Variants in ABL1 observed in about 807,000 individuals in gnomAD.
The protein encoded by ABL1 is ABL proto-oncogene 1, non-receptor tyrosine kinase, also known as tyrosine-protein kinase ABL1.
In ABL1, 11 loss-of-function variants were observed where a neutral mutation model predicts 94.7. The observed-to-expected ratio is 0.12, with a 90% CI of 0.07 to 0.19. The LOEUF is 0.19. Ranked by LOEUF, ABL1 falls within the 10% of genes least tolerant of loss-of-function variation. The pLI is 1.00. For synonymous variants in ABL1, 656 were observed against 622.4 expected, an observed-to-expected ratio of 1.05 and a Z score of -0.80; for missense variants, 1,082 against 1,489.4, an observed-to-expected ratio of 0.73 and a Z score of 4.50.
At chr9:130,776,413 T>G (rs980976988) in intron 1 of ABL1, among the ~76,000 whole-genome samples, 2 of 152,136 alleles carry the variant, frequency 1.3e-5, no homozygotes, top group African/African-American at 4.8e-5. Flanking sequence ...CTGGCCAACA[T>G]GGCGAAACCC....
chr9:130,797,917 A>G (rs1276730416), intron 1 of ABL1, among the ~76,000 whole-genome samples: 1 of 152,176 alleles, frequency 6.6e-6, no homozygotes, highest in African/African-American at 2.4e-5. Context: ...CACTGCATCA[A>G]GAGACTGTGC....
At chr9:130,812,795 A>G (rs575289293) in intron 1 of ABL1, among the ~76,000 whole-genome samples, 13 of 152,380 alleles carry the variant, frequency 8.5e-5, no homozygotes, top group Non-Finnish European at 1.9e-4. Context: ...TTTGGACAAT[A>G]TAATCAACTG....
intron 1 of ABL1, among the ~76,000 whole-genome samples, chr9:130,743,683 C>T (rs1057006132): frequency 6.6e-6 from 1 of 152,192 alleles, no homozygotes; most frequent in Non-Finnish European, 1.5e-5. Flanking sequence ...CAGGGAGTTT[C>T]CCAAGTGGGT....
upstream of ABL1, among the ~76,000 whole-genome samples, chr9:130,832,197 C>G (rs1420486870): frequency 6.7e-6 from 1 of 148,806 alleles, no homozygotes; most frequent in African/African-American, 2.5e-5. Flanking sequence ...GATCACTGCT[C>G]ACTGCATCCT....
At chr9:130,841,123 A>G (rs768110977) in intron 1 of ABL1, among the ~76,000 whole-genome samples, 2 of 152,004 alleles carry the variant, frequency 1.3e-5, no homozygotes, top group Non-Finnish European at 2.9e-5. Flanking sequence ...GAGCTAAACC[A>G]ACAAAACAAA....
intron 1 of ABL1, among the ~76,000 whole-genome samples, chr9:130,845,592 G>T (rs1226811125): frequency 6.6e-6 from 1 of 152,084 alleles, no homozygotes; most frequent in Non-Finnish European, 1.5e-5. Flanking sequence ...ACCACACCTG[G>T]CCAGAAACCA....
intron 1 of ABL1, among the ~76,000 whole-genome samples, chr9:130,780,705 A>G (rs1363018748): frequency 2.6e-5 from 4 of 152,230 alleles, no homozygotes; most frequent in Non-Finnish European, 5.9e-5. Context: ...TGGGATACTC[A>G]GCACTGGAGA....
chr9:130,714,317 T>C (rs1214801399), exon 1 of ABL1: 2 of 1,597,582 alleles, frequency 1.3e-6, no homozygotes, highest in African/African-American at 2.7e-5. Context: ...CTATTATTAC[T>C]TTATGGGGCA....
At chr9:130,784,150 G>A (rs888502975) in intron 1 of ABL1, among the ~76,000 whole-genome samples, 3 of 152,078 alleles carry the variant, frequency 2.0e-5, no homozygotes, top group Non-Finnish European at 4.4e-5. Flanking sequence ...CATCTTAAAA[G>A]CAATATAATG....
chr9:130,745,806 T>C (rs1028432973), intron 1 of ABL1, among the ~76,000 whole-genome samples: 2 of 152,152 alleles, frequency 1.3e-5, no homozygotes, highest in African/African-American at 4.8e-5. Flanking sequence ...ACTAAAATTC[T>C]ACTTTCAGAA....
chr9:130,830,661 C>T (rs368705409), upstream of ABL1, among the ~76,000 whole-genome samples: 221 of 152,302 alleles, frequency 1.5e-3, no homozygotes, highest in African/African-American at 5.1e-3. Context: ...GAACACAGAC[C>T]TGATACAGAA....
chr9:130,758,425 G>T (rs1402439183), intron 1 of ABL1, among the ~76,000 whole-genome samples: 1 of 152,124 alleles, frequency 6.6e-6, no homozygotes, highest in Non-Finnish European at 1.5e-5. Context: ...CTCCCAAAGT[G>T]CTGGGATTAC....
At chr9:130,882,555 A>C (rs1831476939) in intron 10 of ABL1, among the ~76,000 whole-genome samples, 1 of 151,040 alleles carries the variant, frequency 6.6e-6, no homozygotes, top group African/African-American at 2.4e-5. Context: ...TTTTTTTTTG[A>C]GATGGAGTCT....
At position 130,835,336 on chromosome 9, in the gene ABL1, C is replaced by CA. The variant is rs1564304463; in HGVS notation, c.-111_-110insA. The CA allele has an allele frequency of 3.8e-6, 1 of 260,158 alleles. No individual in the cohort carries two copies. Among genetic ancestry groups the CA allele is most frequent in the South Asian group, 1.8e-4 (1 of 5,654 alleles). 16.1% of individuals were successfully genotyped at this position (260,158 alleles called of 1,614,324 possible). ...GCGCGCGGGGCGGCGGTGAGGGCGG[C>CA]TGGCGGGGCCGGGGGCGCCGGGGGG... is the stretch of plus-strand genomic sequence containing the variant. On this transcript the variant is annotated 5_prime_UTR_variant, in exon 1 of 11. The change creates a new upstream start codon in the 5' untranslated region. Coordinates refer to ENST00000318560, the MANE Select transcript of ABL1 (RefSeq NM_005157.6). This position sits in a 1 kb window ranked among gnomAD's most constrained non-coding sequence, Gnocchi z 4.6.
intron 1 of ABL1, among the ~76,000 whole-genome samples, chr9:130,821,853 T>A (rs923960080): frequency 5.4e-5 from 8 of 149,310 alleles, no homozygotes; most frequent in African/African-American, 2.0e-4. Flanking sequence ...TTTTTTTTTT[T>A]TTTTTGAGAC....
At chr9:130,742,170 T>C (rs949910718) in intron 1 of ABL1, among the ~76,000 whole-genome samples, 9 of 152,232 alleles carry the variant, frequency 5.9e-5, no homozygotes, top group Middle Eastern at 3.4e-3. Flanking sequence ...GATGGCTGTC[T>C]GTGAGGAGTA....
intron 1 of ABL1, among the ~76,000 whole-genome samples, chr9:130,746,279 C>CT (rs2132719899): frequency 6.7e-6 from 1 of 149,944 alleles, no homozygotes; most frequent in East Asian, 2.0e-4. Flanking sequence ...CCTAATTTAA[C>CT]TTTATTTTTT....
At chr9:130,850,310 T>G (rs773839195) in intron 1 of ABL1, among the ~76,000 whole-genome samples, 13 of 152,152 alleles carry the variant, frequency 8.5e-5, no homozygotes, top group Non-Finnish European at 1.8e-4. Context: ...ACTACAGAAT[T>G]AGGTGTAAGA....
At chr9:130,789,849 A>G (rs1829881093) in intron 1 of ABL1, among the ~76,000 whole-genome samples, 1 of 152,250 alleles carries the variant, frequency 6.6e-6, no homozygotes, top group South Asian at 2.1e-4. Context: ...CTAGAAGATA[A>G]GTCTGAAGAA....
Sources: gnomAD v4.1 joint callset for allele counts (sites outside exome capture counted in the v4.1 genomes callset) on GRCh38, gnomAD v4.1.1 for gene constraint, Gnocchi (gnomAD v3.1) non-coding constraint, MANE v1.5 for transcripts, NCBI Gene and HGNC (gene_info 2026-07-23, HGNC 2026-07-21) for gene names.